Variants in PGBD5 observed in about 807,000 individuals in gnomAD.
The protein encoded by PGBD5 is piggyBac transposable element derived 5.
A neutral mutation model predicts 47.9 loss-of-function variants in PGBD5; 14 were observed. The observed-to-expected ratio is 0.29, with a 90% CI of 0.19 to 0.46. The LOEUF (loss-of-function observed/expected upper bound fraction) is 0.46, where lower values mean the gene tolerates loss of function less well. Ranked by LOEUF, PGBD5 falls within the 20% of genes least tolerant of loss-of-function variation. The pLI is 1.00. For synonymous variants in PGBD5, 316 were observed against 306.3 expected (o/e 1.03, Z -0.33); for missense variants, 635 against 716.0 (o/e 0.89, Z 1.29).
In PGBD5 at chr1:230,370,496, G is replaced by A. The variant is rs111355603; in HGVS notation, c.332-13175C>T. ...TATGGCTGTACGTGTTTATGTGCAG[G>A]CTTGTGTTCTGTCTGCTTTGCACAT... On this transcript the variant is annotated intron_variant, in intron 1 of 6. Transcript: ENST00000391860. Among the ~76,000 whole-genome samples the A allele has an allele frequency of 7.0e-3, 1,063 of 152,304 alleles. 11 individuals carry two copies. The highest frequency in any genetic ancestry group is 0.024 in the African/African-American group (1,015 of 41,562).
At position 230,323,918 on chromosome 1, in the gene PGBD5, C is replaced by T. The variant is rs1667076087; in HGVS notation, c.1380-298G>A. ...GGCGCACAGCCCCGGAGTGGACAGG[C>T]GCCTGCCAGCCTCTCCAGCTTCCCT... On this transcript the variant is annotated intron_variant, in intron 6 of 6. Coordinates refer to ENST00000391860, the MANE Select transcript of PGBD5 (RefSeq NM_001258311.2). This position sits in a 1 kb window ranked among gnomAD's most constrained non-coding sequence, Gnocchi z 4.1. Among the ~76,000 whole-genome samples, 1 of 152,232 alleles carries T rather than the reference C, an allele frequency of 6.6e-6. No homozygotes were observed. The highest frequency in any genetic ancestry group is 6.5e-5 in the Admixed American group (1 of 15,286).
intron 1 of PGBD5, among the ~76,000 whole-genome samples, chr1:230,392,281 AG>A (rs1656804634): frequency 1.3e-5 from 2 of 152,092 alleles, no homozygotes; most frequent in African/African-American, 4.8e-5. Context: ...ACGGCCCTGG[AG>A]GGGCATCCCT....
At position 230,425,998 on chromosome 1, in the gene PGBD5, GC is replaced by G; in HGVS notation, c.-71del. 1.3e-6 allele frequency: 1 copy of G among 769,330 alleles called. No individual in the cohort carries two copies. Among genetic ancestry groups the G allele is most frequent in the Non-Finnish European group, 1.6e-6 (1 of 638,104 alleles). The allele number at this position is 769,330 out of a possible 1,614,324, so 47.7% of individuals were successfully genotyped here. Reference sequence around the variant, plus strand: ...GCCGCACACGCCGGGCCCTGGGCCCGCGCCGCGGCCCGCCGCCCCCCACCAG... The same window carrying G: ...GCCGCACACGCCGGGCCCTGGGCCCGGCCGCGGCCCGCCGCCCCCCACCAG... On this transcript the variant is annotated 5_prime_UTR_variant, in exon 1 of 7. Coordinates refer to ENST00000391860, the MANE Select transcript of PGBD5 (RefSeq NM_001258311.2). This position sits in a 1 kb window ranked among gnomAD's most constrained non-coding sequence, Gnocchi z 4.7.
chr1:230,385,379 G>A (rs930736870), intron 1 of PGBD5, among the ~76,000 whole-genome samples: 4 of 152,128 alleles, frequency 2.6e-5, no homozygotes, highest in Admixed American at 2.0e-4. Flanking sequence ...TTTACGTGAC[G>A]GGAAAAATGA....
At chr1:230,386,764 A>C (rs1656653231) in intron 1 of PGBD5, among the ~76,000 whole-genome samples, 1 of 152,208 alleles carries the variant, frequency 6.6e-6, no homozygotes, top group African/African-American at 2.4e-5. Flanking sequence ...AGACATCTCT[A>C]TATATTTAGA....
intron 1 of PGBD5, among the ~76,000 whole-genome samples, chr1:230,398,825 T>G (rs1657065834): frequency 6.6e-6 from 1 of 152,180 alleles, no homozygotes; most frequent in Non-Finnish European, 1.5e-5. Context: ...CTTAAGGGCC[T>G]GCACTGTCAC....
At chr1:230,333,081 T>G (rs189806413) in intron 4 of PGBD5, 40 bp from the exon 5 acceptor site, 16,471 of 1,551,780 alleles carry the variant, frequency 0.011, 196 homozygotes, top group Middle Eastern at 0.034. Flanking sequence ...CTCACCACCA[T>G]CGGAGATGCC....
intron 6 of PGBD5, among the ~76,000 whole-genome samples, chr1:230,324,049 C>T (rs1667078337): frequency 6.6e-6 from 1 of 152,240 alleles, no homozygotes; most frequent in African/African-American, 2.4e-5. Context: ...AGGGCATTCC[C>T]CTGCTCCCGA....
intron 1 of PGBD5, among the ~76,000 whole-genome samples, chr1:230,363,119 C>T (rs865471): frequency 6.6e-6 from 1 of 152,140 alleles, no homozygotes; most frequent in Admixed American, 6.5e-5. Flanking sequence ...CACCCCACAG[C>T]GGGTAAGAAG....
chr1:230,388,289 C>G (rs558329387), intron 1 of PGBD5, among the ~76,000 whole-genome samples: 3 of 152,340 alleles, frequency 2.0e-5, no homozygotes, highest in African/African-American at 7.2e-5. Flanking sequence ...GAGCAGGACC[C>G]TGGCCTCCTG....
chr1:230,324,746 G>A (rs1667088737), intron 6 of PGBD5, among the ~76,000 whole-genome samples: 1 of 152,168 alleles, frequency 6.6e-6, no homozygotes. Context: ...GGCATCGTGG[G>A]TGTCTGGACG....
intron 1 of PGBD5, among the ~76,000 whole-genome samples, chr1:230,393,824 CA>C (rs34929519): frequency 0.015 from 1,144 of 77,564 alleles, 9 homozygotes; most frequent in African/African-American, 0.046. Context: ...GACTCCGTCT[CA>C]AAAAAAAAAA....
At chr1:230,328,938 T>C (rs887353672) in intron 5 of PGBD5, among the ~76,000 whole-genome samples, 7 of 132,760 alleles carry the variant, frequency 5.3e-5, no homozygotes, top group Middle Eastern at 3.7e-3. Context: ...GCATTTAACA[T>C]TTTTTTTTTT....
intron 1 of PGBD5, among the ~76,000 whole-genome samples, chr1:230,399,674 G>A (rs1171211512): frequency 6.6e-6 from 1 of 152,154 alleles, no homozygotes; most frequent in Non-Finnish European, 1.5e-5. Flanking sequence ...AATGTGCAGT[G>A]GGAGTAGGGT....
chr1:230,404,415 G>A (rs1459263356), intron 1 of PGBD5, among the ~76,000 whole-genome samples: 1 of 151,864 alleles, frequency 6.6e-6, no homozygotes, highest in Non-Finnish European at 1.5e-5. Flanking sequence ...AGGAGTTTGG[G>A]ACCAGCCTGG....
intron 1 of PGBD5, among the ~76,000 whole-genome samples, chr1:230,421,146 G>C (rs1353076718): frequency 6.6e-6 from 1 of 152,164 alleles, no homozygotes. Flanking sequence ...GGACAGCAAG[G>C]ATTAAACAGG....
intron 1 of PGBD5, chr1:230,362,510 T>TCTA: frequency 8.6e-7 from 1 of 1,169,006 alleles, no homozygotes. Context: ...TCATGAAGCA[T>TCTA]CACCTTCTGG....
chr1:230,392,256 G>A (rs1464411305), intron 1 of PGBD5, among the ~76,000 whole-genome samples: 1 of 152,180 alleles, frequency 6.6e-6, no homozygotes, highest in South Asian at 2.1e-4. Flanking sequence ...GTCCTTTGGG[G>A]ATAAGCACTG....
rs117812269 is a variant in PGBD5 at position 230,397,724 on chromosome 1, A to G, written c.331+27874T>C. ...GACTTAAGATGGTGATCTCTTCCAC[A>G]GCTCAAACACACAGCGAAGTCAGAC... On this transcript the variant is annotated intron_variant, in intron 1 of 6. Coordinates refer to ENST00000391860, the MANE Select transcript of PGBD5 (RefSeq NM_001258311.2). Among the ~76,000 whole-genome samples, 46 of 152,374 alleles carry G rather than the reference A, an allele frequency of 3.0e-4. No individual in the cohort carries two copies. The East Asian group carries it at 5.8e-3, about 19-fold the overall frequency.
Sources: gnomAD v4.1 joint callset for allele counts (sites outside exome capture counted in the v4.1 genomes callset) on GRCh38, gnomAD v4.1.1 for gene constraint, Gnocchi (gnomAD v3.1) non-coding constraint, MANE v1.5 for transcripts, NCBI Gene and HGNC (gene_info 2026-07-23, HGNC 2026-07-21) for gene names.